Variants in HLCS observed in about 807,000 individuals in gnomAD.
HLCS encodes biotin--protein ligase.
A neutral mutation model predicts 75.0 loss-of-function variants in HLCS; 53 were observed. That is an observed-to-expected ratio of 0.71 (90% CI 0.57 to 0.89). HLCS has a LOEUF of 0.89. Among genes scored for constraint, HLCS ranks in the 40% least tolerant of loss-of-function variants. The pLI is 0.00. For missense variants in HLCS, 966 were observed against 1,074.0 expected (o/e 0.90, Z 1.41); for synonymous variants, 431 against 428.6 (o/e 1.01, Z -0.07).
intron 6 of HLCS, among the ~76,000 whole-genome samples, chr21:36,778,340 T>A (rs2060428916): frequency 6.6e-6 from 1 of 151,852 alleles, no homozygotes; most frequent in Non-Finnish European, 1.5e-5. Flanking sequence ...AATGCAGTGG[T>A]GCAGCCTCCA....
intron 6 of HLCS, among the ~76,000 whole-genome samples, chr21:36,882,775 T>C (rs955952653): frequency 2.6e-5 from 4 of 152,094 alleles, no homozygotes; most frequent in Non-Finnish European, 5.9e-5. Context: ...CTGAGGTTTT[T>C]GTATTTCATT....
At chr21:36,940,937 C>T (rs1052882692) in intron 2 of HLCS, among the ~76,000 whole-genome samples, 3 of 152,130 alleles carry the variant, frequency 2.0e-5, no homozygotes, top group Non-Finnish European at 4.4e-5. Context: ...TTGGGCTGGG[C>T]GCGGTGGTTC....
At chr21:36,892,684 T>C (rs2064842262) in intron 6 of HLCS, among the ~76,000 whole-genome samples, 1 of 152,236 alleles carries the variant, frequency 6.6e-6, no homozygotes, top group African/African-American at 2.4e-5. Context: ...TGTTCCCCAC[T>C]GTGTCCTTCC....
chr21:36,906,942 C>T (rs997579412), intron 5 of HLCS, among the ~76,000 whole-genome samples: 4 of 152,008 alleles, frequency 2.6e-5, no homozygotes, highest in East Asian at 1.9e-4. Flanking sequence ...CAGCGTCTTG[C>T]GCTACCACCC....
intron 6 of HLCS, among the ~76,000 whole-genome samples, chr21:36,820,369 G>A (rs1407786699): frequency 1.3e-5 from 2 of 152,076 alleles, no homozygotes; most frequent in Non-Finnish European, 2.9e-5. Context: ...GCCCAGCCAC[G>A]GCCGGGCCGC....
chr21:36,920,696 C>A (rs1296617737), intron 5 of HLCS, among the ~76,000 whole-genome samples: 1 of 152,010 alleles, frequency 6.6e-6, no homozygotes, highest in Admixed American at 6.6e-5. Context: ...AGCCGTCTAC[C>A]AAGAAAAACT....
chr21:36,821,604 G>A (rs2835471), intron 6 of HLCS, among the ~76,000 whole-genome samples: 71,708 of 152,114 alleles, frequency 0.47, 19,596 homozygotes, highest in African/African-American at 0.76. Context: ...ATTTTAAAAC[G>A]AGGTTTCAGT....
chr21:36,973,077 T>A (rs1191567561), intron 1 of HLCS, among the ~76,000 whole-genome samples: 1 of 151,802 alleles, frequency 6.6e-6, no homozygotes, highest in Non-Finnish European at 1.5e-5. Flanking sequence ...AACATTTTTT[T>A]AAATTAGCCA....
At chr21:36,917,097 GTTCCAATTTTTTTTAACAAAAAA>G (rs1239235718) in intron 5 of HLCS, among the ~76,000 whole-genome samples, 1 of 152,080 alleles carries the variant, frequency 6.6e-6, no homozygotes. Flanking sequence ...CTTTTCTTCA[GTTCCAATTTTTTTTAACAAAAAA>G]TTGGGGGAGA....
intron 1 of HLCS, among the ~76,000 whole-genome samples, chr21:36,963,645 G>A (rs528330326): frequency 1.3e-5 from 2 of 151,834 alleles, no homozygotes; most frequent in African/African-American, 2.4e-5. Flanking sequence ...CCAGCTACTC[G>A]GGAGGCTAAG....
chr21:36,958,439 A>C (rs1038331427), intron 2 of HLCS, among the ~76,000 whole-genome samples: 1 of 152,184 alleles, frequency 6.6e-6, no homozygotes, highest in Admixed American at 6.5e-5. Flanking sequence ...TTCTCTAGTT[A>C]CTAGAAAGGA....
In HLCS at chr21:36,956,832, C is replaced by T. The variant is rs181140475; in HGVS notation, c.330+5204G>A. Reference sequence around the variant, plus strand: ...TCGGGAGGCTGAGGCGGGCAGATCACCTGAGGTCAGGAGTTCAAGACCCAC... The same window carrying T: ...TCGGGAGGCTGAGGCGGGCAGATCATCTGAGGTCAGGAGTTCAAGACCCAC... On this transcript the variant is annotated intron_variant, in intron 2 of 10. Transcript: ENST00000674895. 5.2e-4 allele frequency among the ~76,000 whole-genome samples: 79 copies of T among 152,074 alleles called. No individual in the cohort carries two copies. The East Asian group carries it at 0.014, about 28-fold the overall frequency.
intron 6 of HLCS, among the ~76,000 whole-genome samples, chr21:36,819,605 C>T (rs1008356696): frequency 1.1e-4 from 16 of 152,102 alleles, no homozygotes; most frequent in African/African-American, 3.4e-4. Flanking sequence ...GCTTCTAATA[C>T]AGCATCTGTT....
intron 5 of HLCS, among the ~76,000 whole-genome samples, chr21:36,902,973 T>C (rs949890509): frequency 6.6e-6 from 1 of 151,932 alleles, no homozygotes; most frequent in African/African-American, 2.4e-5. Context: ...GACAGGAAGA[T>C]AAATATGAGT....
At chr21:36,889,572 G>A (rs571577433) in intron 6 of HLCS, among the ~76,000 whole-genome samples, 1 of 152,300 alleles carries the variant, frequency 6.6e-6, no homozygotes, top group East Asian at 1.9e-4. Context: ...TGAACTCTGG[G>A]AGGGGCTTTT....
In HLCS at chr21:36,753,945, C is replaced by T. The variant is rs1427930027; in HGVS notation, c.*301G>A. On this transcript the variant is annotated 3_prime_UTR_variant, in exon 11 of 11. Coordinates refer to ENST00000674895, the MANE Select transcript of HLCS (RefSeq NM_001352514.2). The surrounding 1 kb of genome is among the most constrained non-coding windows in gnomAD (Gnocchi z 4.3). ...TATCTGAATTTTCCCATTGTCATTT[C>T]CATGTAAAAACTCCCCTTGACAATA... 4.3e-6 allele frequency: 2 copies of T among 464,516 alleles called. No homozygotes were observed. Among genetic ancestry groups the T allele is most frequent in the Non-Finnish European group, 7.9e-6 (2 of 253,234 alleles). The allele number at this position is 464,516 out of a possible 1,614,324, so 28.8% of individuals were successfully genotyped here.
chr21:36,898,785 G>A (rs145317868), intron 5 of HLCS, among the ~76,000 whole-genome samples: 2,132 of 152,272 alleles, frequency 0.014, 14 homozygotes, highest in Non-Finnish European at 0.021. Context: ...TGGGGGCCAG[G>A]CGCAGTGGCT....
At chr21:36,847,869 T>G (rs1340178986) in intron 6 of HLCS, among the ~76,000 whole-genome samples, 4 of 152,180 alleles carry the variant, frequency 2.6e-5, no homozygotes, top group Non-Finnish European at 5.9e-5. Context: ...CTGGCAAAAT[T>G]CTCTCATCTT....
chr21:36,817,042 C>T (rs2061684905), intron 6 of HLCS, among the ~76,000 whole-genome samples: 1 of 152,220 alleles, frequency 6.6e-6, no homozygotes, highest in African/African-American at 2.4e-5. Flanking sequence ...GGCTACAGTA[C>T]AGCAGGCTGC....
Sources: allele counts gnomAD v4.1 joint callset (sites outside exome capture counted in the v4.1 genomes callset), GRCh38; gene constraint gnomAD v4.1.1; non-coding constraint Gnocchi (gnomAD v3.1); transcripts MANE v1.5; gene names NCBI Gene and HGNC (gene_info 2026-07-23, HGNC 2026-07-21).